ERCC6L2: variants seen among roughly 807,000 people sequenced by gnomAD.
The protein encoded by ERCC6L2 is ERCC excision repair 6 like 2.
Under a neutral mutation model 132.0 loss-of-function variants are expected in ERCC6L2, and 77 were observed. The observed-to-expected ratio is 0.58, with a 90% CI of 0.49 to 0.71. ERCC6L2 has a LOEUF of 0.71. ERCC6L2 is among the 30% of genes least tolerant of loss of function. The probability of loss-of-function intolerance (pLI) is 0.00; values close to 1 mark genes in which losing one functional copy is unlikely to be tolerated. For synonymous variants in ERCC6L2, 583 were observed against 632.4 expected (o/e 0.92, Z 1.17); for missense variants, 1,542 against 1,837.6 (o/e 0.84, Z 2.94).
chr9:95,950,496 AT>A (rs1338530158), intron 12 of ERCC6L2, among the ~76,000 whole-genome samples: 1 of 152,206 alleles, frequency 6.6e-6, no homozygotes, highest in African/African-American at 2.4e-5. Flanking sequence ...CCTGTTCTTA[AT>A]TATTTCAAAT....
intron 2 of ERCC6L2, among the ~76,000 whole-genome samples, chr9:95,892,678 C>T (rs1828235713): frequency 6.6e-6 from 1 of 152,144 alleles, no homozygotes; most frequent in African/African-American, 2.4e-5. Context: ...CCACCTAAAC[C>T]TCCCAAAGTG....
Position 96,013,434 on chromosome 9 carries a change from T to G in ERCC6L2, c.*231T>G, listed in dbSNP as rs1404203244. The G allele has an allele frequency of 8.1e-6, 2 of 246,814 alleles. No homozygotes were observed. The highest frequency in any genetic ancestry group is 1.5e-5 in the Non-Finnish European group (2 of 131,122). The allele number at this position is 246,814 out of a possible 1,614,324, so 15.3% of individuals were successfully genotyped here. A position where few individuals can be genotyped will look rare whatever the true frequency, so the allele number is the denominator to read the frequency against. On this transcript the variant is annotated 3_prime_UTR_variant, in exon 19 of 19. Transcript: ENST00000653738. ...TATAGTATAAACCTCTGTTATGAAT[T>G]AGAAAAGATTCTAGGTTTGTTAATA...
downstream of ERCC6L2, chr9:96,021,679 T>C (rs1357423825): frequency 6.7e-6 from 1 of 148,728 alleles, no homozygotes; most frequent in African/African-American, 2.5e-5. The surrounding 1 kb of genome is among the most constrained non-coding windows in gnomAD (Gnocchi z 4.7). Context: ...GAGGGTCCGC[T>C]CCCTTCCCCG....
chr9:95,993,142 C>G (rs182621298), intron 17 of ERCC6L2, among the ~76,000 whole-genome samples: 1 of 152,234 alleles, frequency 6.6e-6, no homozygotes, highest in African/African-American at 2.4e-5. Context: ...TCTCCCTTCT[C>G]CTAGATCCCA....
At chr9:96,000,645 A>T (rs1400481090) in intron 17 of ERCC6L2, among the ~76,000 whole-genome samples, 1 of 151,936 alleles carries the variant, frequency 6.6e-6, no homozygotes, top group African/African-American at 2.4e-5. Context: ...AACTTCTATT[A>T]AAAAAAAGAC....
Position 95,966,734 on chromosome 9 carries a change from C to A in ERCC6L2, c.2100+20C>A. Reference sequence around the variant, plus strand: ...CTGGAGGTGTGAACTTCTTCTCTGACCTTTTCAATAATATTTTAAATACAG... The same window carrying A: ...CTGGAGGTGTGAACTTCTTCTCTGAACTTTTCAATAATATTTTAAATACAG... On this transcript the variant is annotated intron_variant, in intron 14 of 18. Transcript: ENST00000653738. 7.2e-7 allele frequency: 1 copy of A among 1,390,578 alleles called. No homozygotes were observed. The highest frequency in any genetic ancestry group is 2.5e-5 in the Admixed American group (1 of 40,600). The allele number at this position is 1,390,578 out of a possible 1,614,324, so 86.1% of individuals were successfully genotyped here.
rs1042622515 is a variant in ERCC6L2 at position 96,036,103 on chromosome 9, A to C, written c.*1504-2773A>C. ...CCATCCCAAACATATTTAAGTGCAC[A>C]TTCCAGTAATACCCACACTCACACT... On this transcript the variant is annotated intron_variant and NMD_transcript_variant, in intron 19 of 20. Coordinates refer to the ERCC6L2 transcript ENST00000670016. Among the ~76,000 whole-genome samples the C allele has an allele frequency of 8.5e-5, 13 of 152,308 alleles. No homozygotes were observed. In the South Asian group the frequency reaches 1.2e-3, roughly 15 times the overall value.
chr9:95,949,217 T>C (rs1367397647), intron 12 of ERCC6L2, among the ~76,000 whole-genome samples: 10 of 152,024 alleles, frequency 6.6e-5, no homozygotes, highest in African/African-American at 1.9e-4. Context: ...AGTGAACATA[T>C]AGGACACTAT....
At position 95,973,036 on chromosome 9, in the gene ERCC6L2, T is replaced by C. The variant is rs1422150304; in HGVS notation, c.3285T>C (p.Asn1095=). 1 of 1,361,936 alleles carries C rather than the reference T, an allele frequency of 7.3e-7. No individual in the cohort carries two copies. The highest frequency in any genetic ancestry group is 4.6e-5 in the East Asian group (1 of 21,890). The allele number at this position is 1,361,936 out of a possible 1,614,324, so 84.4% of individuals were successfully genotyped here. The change falls in exon 16 of 19, where the codon AAT becomes AAC. Residue 1095 remains asparagine (N), a synonymous_variant. Transcript: ENST00000653738. ...CAAGAAAACCAATGAAATGTTCAAA[T>C]GAGAAAGTTGTTAATCAAGAGCAGT... ...FIPRKPMKCS[N]EKVVNQEQSY...
At chr9:96,019,515 C>T (rs910328593), downstream of ERCC6L2, among the ~76,000 whole-genome samples, 2 of 152,084 alleles carry the variant, frequency 1.3e-5, no homozygotes, top group Admixed American at 6.5e-5. Context: ...ACTCCTGAAT[C>T]GACAGCTCCC....
At chr9:96,029,073 G>T (rs1013716325) in intron 19 of ERCC6L2, among the ~76,000 whole-genome samples, 3 of 152,056 alleles carry the variant, frequency 2.0e-5, no homozygotes, top group African/African-American at 4.8e-5. Flanking sequence ...GGGAGGTCAA[G>T]GTGGGCGGAT....
intron 2 of ERCC6L2, among the ~76,000 whole-genome samples, chr9:95,892,890 T>G (rs75618447): frequency 0.03 from 4,606 of 152,332 alleles, 94 homozygotes; most frequent in East Asian, 0.13. Flanking sequence ...TGACAATCTC[T>G]GATATTTAAT....
intron 11 of ERCC6L2, 47 bp from the exon 12 acceptor site, chr9:95,941,403 CAGTT>C: frequency 7.6e-7 from 1 of 1,321,846 alleles, no homozygotes; most frequent in Non-Finnish European, 1.1e-6. Flanking sequence ...TATAGCACAA[CAGTT>C]AGTTTTTGCT....
chr9:95,922,026 G>A (rs991541346), intron 7 of ERCC6L2, among the ~76,000 whole-genome samples: 3 of 152,176 alleles, frequency 2.0e-5, no homozygotes, highest in African/African-American at 7.2e-5. Context: ...CCTCGTAACA[G>A]CAACATTTCC....
chr9:95,979,267 T>G (rs1472040674), intron 17 of ERCC6L2, among the ~76,000 whole-genome samples: 4 of 152,194 alleles, frequency 2.6e-5, no homozygotes, highest in African/African-American at 9.7e-5. Flanking sequence ...AATGCCTAGC[T>G]GGCATTAATG....
intron 4 of ERCC6L2, among the ~76,000 whole-genome samples, chr9:95,915,333 A>G (rs1333591260): frequency 6.6e-6 from 1 of 152,228 alleles, no homozygotes; most frequent in Non-Finnish European, 1.5e-5. Flanking sequence ...ATATTGCAAT[A>G]AAACATTGCA....
chr9:95,957,734 G>T (rs1484571945), intron 13 of ERCC6L2, among the ~76,000 whole-genome samples: 1 of 151,872 alleles, frequency 6.6e-6, no homozygotes, highest in African/African-American at 2.4e-5. Flanking sequence ...CACAAATAAA[G>T]ATAAGATGGC....
rs990090611 is a variant in ERCC6L2 at position 95,923,360 on chromosome 9, A to G, written c.1514A>G (p.Lys505Arg). 4 of 1,613,442 alleles carry G rather than the reference A, an allele frequency of 2.5e-6. No homozygotes were observed. Among genetic ancestry groups the G allele is most frequent in the Admixed American group, 1.7e-5 (1 of 59,978 alleles). Residue 505 changes from lysine to arginine, a missense_variant, in exon 9 of 19, where the codon AAA becomes AGA. Lys to Arg is a conservative substitution (Grantham distance 26). Around this residue, in one of 4 missense-constraint regions of ERCC6L2, gnomAD observed 945 missense variants for 1,105.2 expected, o/e 0.86. Transcript: ENST00000653738. ...DAAFETLSDP[K>R]YSGKMKVLQQ... ...GCCTTTGAAACACTTTCTGACCCTAAATACAGTGGAAAAATGAAGGTAAGT... is the reference window on the plus strand; with the variant it reads ...GCCTTTGAAACACTTTCTGACCCTAGATACAGTGGAAAAATGAAGGTAAGT...
At chr9:95,928,695 C>T (rs773831217) in intron 10 of ERCC6L2, 24 bp from the exon 11 acceptor site, 6 of 1,574,844 alleles carry the variant, frequency 3.8e-6, no homozygotes, top group Non-Finnish European at 3.4e-6. Flanking sequence ...TTCATGTTTG[C>T]CCATCTTCAT....
Sources: allele counts gnomAD v4.1 joint callset (sites outside exome capture counted in the v4.1 genomes callset), GRCh38; gene constraint gnomAD v4.1.1; regional missense constraint gnomAD v4.1.1; non-coding constraint Gnocchi (gnomAD v3.1); transcripts MANE v1.5; gene names NCBI Gene and HGNC (gene_info 2026-07-23, HGNC 2026-07-21).